Variants in KAZN observed in about 807,000 individuals in gnomAD.
The protein encoded by KAZN is kazrin, periplakin interacting protein, also known as kazrin.
KAZN carries 40 observed loss-of-function variants against 87.4 expected under a neutral mutation model. That is an observed-to-expected ratio of 0.46 (90% CI 0.36 to 0.60). The LOEUF is 0.60. KAZN is among the 20% of genes least tolerant of loss of function. The probability of loss-of-function intolerance (pLI) is 0.00; values close to 1 mark genes in which losing one functional copy is unlikely to be tolerated. For missense variants in KAZN, 898 were observed against 1,073.9 expected (o/e 0.84, Z 2.29); for synonymous variants, 466 against 458.3 (o/e 1.02, Z -0.22).
intron 13 of KAZN, among the ~76,000 whole-genome samples, chr1:15,110,340 ATGTG>A (rs1424840802): frequency 1.8e-4 from 27 of 146,078 alleles, no homozygotes; most frequent in Non-Finnish European, 2.5e-4. Context: ...CATATTGTAT[ATGTG>A]TGTATGTTTG....
At chr1:14,181,336 C>T (rs12065331) in intron 2 of KAZN, among the ~76,000 whole-genome samples, 42,020 of 152,064 alleles carry the variant, frequency 0.28, 6,041 homozygotes, top group South Asian at 0.4. Context: ...TCATTTGCCC[C>T]GGGGATTTCT....
chr1:14,553,824 G>A (rs1379927321), intron 2 of KAZN, among the ~76,000 whole-genome samples: 1 of 152,160 alleles, frequency 6.6e-6, no homozygotes, highest in East Asian at 1.9e-4. Flanking sequence ...GACTTTCCTG[G>A]TGGAGCGTTT....
Position 14,163,388 on chromosome 1 carries a change from G to A in KAZN, c.92-17047G>A, listed in dbSNP as rs556548973. 3.3e-5 allele frequency among the ~76,000 whole-genome samples: 5 copies of A among 152,146 alleles called. No individual in the cohort carries two copies. The East Asian group carries it at 9.7e-4, about 29-fold the overall frequency. On this transcript the variant is annotated intron_variant, in intron 1 of 16. Coordinates refer to the KAZN transcript ENST00000636203. ...CTTCTCTCTTGATTTTTTTCCTGGG[G>A]TGAGCTGTCCACATGCACAGTGGCC... is the stretch of plus-strand genomic sequence containing the variant.
At chr1:14,385,157 G>A (rs1370183311) in intron 2 of KAZN, among the ~76,000 whole-genome samples, 1 of 152,090 alleles carries the variant, frequency 6.6e-6, no homozygotes, top group Non-Finnish European at 1.5e-5. Flanking sequence ...GGGATCAGTG[G>A]TGATAACCCC....
intron 1 of KAZN, among the ~76,000 whole-genome samples, chr1:14,031,880 A>G (rs1641341990): frequency 7.2e-6 from 1 of 138,746 alleles, no homozygotes; most frequent in South Asian, 2.1e-4. Flanking sequence ...AGAAAAACCC[A>G]AAGAAACTTG....
At chr1:14,832,533 T>A (rs1340343249) in intron 1 of KAZN, among the ~76,000 whole-genome samples, 2 of 152,222 alleles carry the variant, frequency 1.3e-5, no homozygotes, top group Non-Finnish European at 2.9e-5. Context: ...TCTTTTGGCT[T>A]CCCTGGGCCA....
intron 2 of KAZN, among the ~76,000 whole-genome samples, chr1:14,466,698 G>A (rs1668155505): frequency 1.3e-5 from 2 of 151,724 alleles, no homozygotes; most frequent in South Asian, 4.2e-4. Context: ...GCCAGGCGCG[G>A]TGGCTCACGC....
At chr1:14,900,321 G>T (rs1287977317) in intron 1 of KAZN, among the ~76,000 whole-genome samples, 1 of 152,170 alleles carries the variant, frequency 6.6e-6, no homozygotes, top group African/African-American at 2.4e-5. Context: ...CAAGAGAGGG[G>T]TGAGAGCCCT....
At chr1:14,974,559 G>C (rs2101857739) in intron 2 of KAZN, among the ~76,000 whole-genome samples, 1 of 152,176 alleles carries the variant, frequency 6.6e-6, no homozygotes, top group Middle Eastern at 3.4e-3. Flanking sequence ...CCAAAAACTG[G>C]AATCGGCCCA....
At chr1:13,962,058 G>A (rs893716144) in intron 1 of KAZN, among the ~76,000 whole-genome samples, 2 of 152,264 alleles carry the variant, frequency 1.3e-5, no homozygotes, top group Non-Finnish European at 2.9e-5. Context: ...TGGCTGGAGC[G>A]TTGGCCATGC....
chr1:13,897,717 G>A (rs1488112920), intron 1 of KAZN, among the ~76,000 whole-genome samples: 1 of 152,096 alleles, frequency 6.6e-6, no homozygotes, highest in African/African-American at 2.4e-5. Context: ...AACCCCAAAG[G>A]CTGTGCTCAA....
chr1:14,010,380 A>G (rs1640238181), intron 1 of KAZN, among the ~76,000 whole-genome samples: 1 of 152,232 alleles, frequency 6.6e-6, no homozygotes, highest in South Asian at 2.1e-4. Flanking sequence ...AACTCAGAAT[A>G]TGAGTGTTGA....
At chr1:14,689,410 C>G (rs1641156162) in intron 1 of KAZN, among the ~76,000 whole-genome samples, 1 of 152,118 alleles carries the variant, frequency 6.6e-6, no homozygotes, top group Non-Finnish European at 1.5e-5. Flanking sequence ...GAGGCCTCTT[C>G]CATATGCTGG....
At chr1:14,999,291 A>G (rs1223973865) in intron 2 of KAZN, among the ~76,000 whole-genome samples, 2 of 152,160 alleles carry the variant, frequency 1.3e-5, no homozygotes, top group Non-Finnish European at 2.9e-5. Flanking sequence ...ACTGCGTGTG[A>G]CTTTAGCCCA....
chr1:14,867,860 G>A (rs1651664193), intron 1 of KAZN, among the ~76,000 whole-genome samples: 1 of 152,170 alleles, frequency 6.6e-6, no homozygotes, highest in Non-Finnish European at 1.5e-5. Flanking sequence ...TGTATATAAG[G>A]CTGTGGACTG....
intron 1 of KAZN, among the ~76,000 whole-genome samples, chr1:14,817,118 G>A (rs536201931): frequency 2.6e-5 from 4 of 152,240 alleles, no homozygotes; most frequent in East Asian, 3.9e-4. Flanking sequence ...TCAGTGCCCC[G>A]AGTAATGCTA....
At chr1:14,294,985 T>A (rs1205584032) in intron 2 of KAZN, among the ~76,000 whole-genome samples, 1 of 151,788 alleles carries the variant, frequency 6.6e-6, no homozygotes, top group Non-Finnish European at 1.5e-5. Flanking sequence ...GAGGAAGCTC[T>A]GGAGTCAGAC....
chr1:14,912,023 G>A (rs2101396684), intron 1 of KAZN, among the ~76,000 whole-genome samples: 1 of 151,754 alleles, frequency 6.6e-6, no homozygotes, highest in South Asian at 2.1e-4. Flanking sequence ...GTGGTGACGG[G>A]CACCTGTAAT....
At chr1:14,589,847 A>T (rs566895649) in intron 2 of KAZN, among the ~76,000 whole-genome samples, 1 of 152,286 alleles carries the variant, frequency 6.6e-6, no homozygotes, top group South Asian at 2.1e-4. Context: ...AAGAGGACTT[A>T]TTCGGTGAGT....
Sources: gnomAD v4.1 joint callset for allele counts (sites outside exome capture counted in the v4.1 genomes callset) on GRCh38, gnomAD v4.1.1 for gene constraint, MANE v1.5 for transcripts, NCBI Gene and HGNC (gene_info 2026-07-23, HGNC 2026-07-21) for gene names.